The following MPRIP variants were observed in gnomAD, a reference collection of about 807,000 sequenced individuals.
MPRIP encodes myosin phosphatase Rho interacting protein.
A neutral mutation model predicts 234.9 loss-of-function variants in MPRIP; 59 were observed. That is an observed-to-expected ratio of 0.25 (90% CI 0.20 to 0.31). The LOEUF (loss-of-function observed/expected upper bound fraction) is 0.31. Among genes scored for constraint, MPRIP ranks in the 10% least tolerant of loss-of-function variants. The pLI is 1.00. For missense variants in MPRIP, 2,436 were observed against 3,071.0 expected (o/e 0.79, Z 4.89); for synonymous variants, 1,144 against 1,263.9 (o/e 0.91, Z 2.01).
At chr17:17,176,604 C>T in intron 21 of MPRIP, 92 bp downstream of exon 21, 1 of 979,098 alleles carries the variant, frequency 1.0e-6, no homozygotes, top group Non-Finnish European at 1.6e-6. Flanking sequence ...AGCGCGGGCT[C>T]TTCTGAAGCA....
chr17:17,167,476 C>T lies in MPRIP; in HGVS notation c.5885C>T (p.Thr1962Ile). The change falls in exon 16 of 24, where the codon ACC (threonine) becomes ATC (isoleucine). Residue 1962 changes from threonine (T) to isoleucine (I), a missense_variant. Physicochemically the swap from Thr to Ile is moderately conservative, Grantham distance 89 (BLOSUM62 -1). This residue lies in a region of MPRIP where 1,998 missense variants were observed against 2,520.3 expected (regional missense o/e 0.79). Coordinates refer to ENST00000651222, the MANE Select transcript of MPRIP (RefSeq NM_001364716.4). This position sits in a 1 kb window ranked among gnomAD's most constrained non-coding sequence, Gnocchi z 5.9. The part of the protein sequence containing the change: ...IRCVVEQLTR[T>I]ESTLQAERSR... The stretch of plus-strand genomic sequence containing the variant: ...TGTGTGGTGGAGCAGCTGACCAGGA[C>T]CGAGAGCACACTGCAGGCTGAGCGC... 7.7e-7 allele frequency: 1 copy of T among 1,304,156 alleles called. No individual in the cohort carries two copies. Among genetic ancestry groups the T allele is most frequent in the Non-Finnish European group, 1.0e-6 (1 of 988,948 alleles). The allele number at this position is 1,304,156 out of a possible 1,614,324, so 80.8% of individuals were successfully genotyped here. A position where few individuals can be genotyped will look rare whatever the true frequency, so the allele number is the denominator to read the frequency against.
chr17:17,054,138 G>T (rs545565187), intron 1 of MPRIP, among the ~76,000 whole-genome samples: 1 of 152,302 alleles, frequency 6.6e-6, no homozygotes, highest in East Asian at 1.9e-4. Context: ...ATTTCAGGAA[G>T]ATGAATAAAA....
At chr17:17,108,165 G>A (rs574977874) in intron 3 of MPRIP, among the ~76,000 whole-genome samples, 41 of 152,190 alleles carry the variant, frequency 2.7e-4, no homozygotes, top group African/African-American at 8.7e-4. Flanking sequence ...TCAGGGTACT[G>A]TCCCCAAGCA....
chr17:17,146,578 A>G (rs964321231), intron 10 of MPRIP, among the ~76,000 whole-genome samples: 1 of 152,194 alleles, frequency 6.6e-6, no homozygotes. Context: ...AACATGGTAC[A>G]TTCTTGCCAT....
chr17:17,115,806 G>T (rs1364474894), intron 3 of MPRIP, among the ~76,000 whole-genome samples: 3 of 152,260 alleles, frequency 2.0e-5, no homozygotes, highest in African/African-American at 7.2e-5. Context: ...ATTGGCCCAA[G>T]GCTGGGGTGG....
intron 3 of MPRIP, among the ~76,000 whole-genome samples, chr17:17,108,893 G>T (rs879596436): frequency 2.0e-5 from 3 of 152,216 alleles, no homozygotes; most frequent in Admixed American, 6.5e-5. Context: ...GACCAGGCAA[G>T]CTGGGACACA....
chr17:17,180,191 GC>G, intron 23 of MPRIP, 103 bp downstream of exon 23: 1 of 992,058 alleles, frequency 1.0e-6, no homozygotes, highest in Non-Finnish European at 1.5e-6. Context: ...AGCTGCCAAA[GC>G]CCCAGGGCCC....
Position 17,192,601 on chromosome 17 carries a change from A to C in MPRIP, c.*7707A>C, listed in dbSNP as rs1597554139. 6.6e-6 allele frequency: 1 copy of C among 152,128 alleles called. No homozygotes were observed. The highest frequency in any genetic ancestry group is 1.9e-4 in the East Asian group (1 of 5,186). The allele number at this position is 152,128 out of a possible 1,614,324, so 9.4% of individuals were successfully genotyped here. On this transcript the variant is annotated 3_prime_UTR_variant, in exon 24 of 24. Transcript: ENST00000651222. ...ATTTTTATTTTGTAAATATTACCTA[A>C]CTTTACATAAACTATATCATAATAA... is the stretch of plus-strand genomic sequence containing the variant.
At chr17:17,061,153 C>T (rs1209325723) in intron 1 of MPRIP, among the ~76,000 whole-genome samples, 2 of 152,234 alleles carry the variant, frequency 1.3e-5, no homozygotes, top group South Asian at 4.1e-4. Context: ...GATCCTCTTG[C>T]AGTCCATCTG....
chr17:17,119,207 G>T (rs2090342027), intron 3 of MPRIP, among the ~76,000 whole-genome samples: 1 of 152,184 alleles, frequency 6.6e-6, no homozygotes, highest in Non-Finnish European at 1.5e-5. Context: ...CTTAGACCTG[G>T]CTCGAGCAGC....
chr17:17,047,286 A>G (rs1597708460), intron 1 of MPRIP, among the ~76,000 whole-genome samples: 1 of 152,252 alleles, frequency 6.6e-6, no homozygotes, highest in Non-Finnish European at 1.5e-5. Context: ...TGAACTAGAT[A>G]TTAATCCGAT....
chr17:17,060,289 C>T (rs2088831366), intron 1 of MPRIP, among the ~76,000 whole-genome samples: 1 of 152,248 alleles, frequency 6.6e-6, no homozygotes, highest in Non-Finnish European at 1.5e-5. Flanking sequence ...GCCCCAGCTG[C>T]ATGGATGTGG....
intron 3 of MPRIP, among the ~76,000 whole-genome samples, chr17:17,125,165 C>T (rs374891740): frequency 8.5e-5 from 13 of 152,354 alleles, no homozygotes; most frequent in East Asian, 7.7e-4. Context: ...GAGACACCTG[C>T]GGGCCACTCC....
chr17:17,049,557 G>A (rs1282969742), intron 1 of MPRIP, among the ~76,000 whole-genome samples: 1 of 152,058 alleles, frequency 6.6e-6, no homozygotes, highest in East Asian at 1.9e-4. Flanking sequence ...TTTATCCTGG[G>A]GAACTCCTTC....
intron 21 of MPRIP, 53 bp from the exon 22 acceptor site, chr17:17,177,197 T>G: frequency 6.4e-7 from 1 of 1,556,160 alleles, no homozygotes; most frequent in Non-Finnish European, 8.8e-7. Flanking sequence ...CCATGTTGTA[T>G]GTGCTCCTCT....
intron 3 of MPRIP, among the ~76,000 whole-genome samples, chr17:17,110,400 A>G (rs984487010): frequency 1.3e-5 from 2 of 152,258 alleles, no homozygotes; most frequent in African/African-American, 2.4e-5. Flanking sequence ...ACAAGTCCGT[A>G]TTGGCATAAG....
chr17:17,150,011 C>A, intron 11 of MPRIP, 133 bp from the exon 12 acceptor site: 1 of 683,824 alleles, frequency 1.5e-6, no homozygotes, highest in Admixed American at 2.0e-5. Flanking sequence ...GTAGGATAGA[C>A]GGTGTCCTCA....
intron 21 of MPRIP, 33 bp from the exon 22 acceptor site, chr17:17,177,217 G>A (rs755047774): frequency 7.5e-6 from 12 of 1,599,828 alleles, no homozygotes; most frequent in Non-Finnish European, 4.3e-6. Context: ...TTTCCTGGAT[G>A]TAACTACCAT....
At chr17:17,152,410 C>A (rs995133111) in intron 12 of MPRIP, among the ~76,000 whole-genome samples, 4 of 152,256 alleles carry the variant, frequency 2.6e-5, no homozygotes, top group Non-Finnish European at 5.9e-5. Flanking sequence ...GCCACTCTCA[C>A]CCACTGATCA....
Sources: gnomAD v4.1 joint callset for allele counts (sites outside exome capture counted in the v4.1 genomes callset) on GRCh38, gnomAD v4.1.1 for gene constraint, gnomAD v4.1.1 regional missense constraint, Gnocchi (gnomAD v3.1) non-coding constraint, MANE v1.5 for transcripts, NCBI Gene and HGNC (gene_info 2026-07-23, HGNC 2026-07-21) for gene names.